Variants in ADIPOR2 observed in about 807,000 individuals in gnomAD.
ADIPOR2 encodes adiponectin receptor 2, also known as adiponectin receptor protein 2.
In ADIPOR2, 18 loss-of-function variants were observed where a neutral mutation model predicts 40.9. That is an observed-to-expected ratio of 0.44 (90% CI 0.30 to 0.65). The LOEUF (loss-of-function observed/expected upper bound fraction) is 0.65. Ranked by LOEUF, ADIPOR2 falls within the 30% of genes least tolerant of loss-of-function variation. ADIPOR2 has a pLI of 0.09. For missense variants in ADIPOR2, 283 were observed against 479.2 expected (o/e 0.59, Z 3.82); for synonymous variants, 165 against 166.4 (o/e 0.99, Z 0.06).
At chr12:1,713,902 C>G (rs1012889253) in intron 1 of ADIPOR2, among the ~76,000 whole-genome samples, 7 of 152,090 alleles carry the variant, frequency 4.6e-5, no homozygotes, top group Non-Finnish European at 8.8e-5. Context: ...ACTGATAAAG[C>G]TGTACCGGTG....
chr12:1,782,555 C>T (rs1862738725), intron 6 of ADIPOR2, among the ~76,000 whole-genome samples: 1 of 152,014 alleles, frequency 6.6e-6, no homozygotes, highest in Non-Finnish European at 1.5e-5. Flanking sequence ...GTCCTGAACA[C>T]GTGTATCTAT....
At chr12:1,752,188 C>G (rs370350751) in intron 1 of ADIPOR2, among the ~76,000 whole-genome samples, 1 of 148,416 alleles carries the variant, frequency 6.7e-6, no homozygotes, top group African/African-American at 2.5e-5. Flanking sequence ...CTCGGCCCCC[C>G]AAAGTGCTGG....
chr12:1,755,802 A>T (rs1333239070), intron 2 of ADIPOR2, among the ~76,000 whole-genome samples: 5 of 152,260 alleles, frequency 3.3e-5, no homozygotes, highest in Admixed American at 6.5e-5. Flanking sequence ...AATTAATTGT[A>T]TTATAAAGTG....
At chr12:1,764,045 G>A (rs1862324013) in intron 2 of ADIPOR2, among the ~76,000 whole-genome samples, 1 of 152,146 alleles carries the variant, frequency 6.6e-6, no homozygotes, top group Admixed American at 6.5e-5. Flanking sequence ...TTTAAGTAAA[G>A]AAATGAATGA....
chr12:1,767,291 AAAAGAT>A (rs1218310840), intron 2 of ADIPOR2, among the ~76,000 whole-genome samples: 11 of 148,544 alleles, frequency 7.4e-5, no homozygotes, highest in African/African-American at 2.8e-4. Flanking sequence ...AAAAAAAAAA[AAAAGAT>A]AGAATTGCTA....
chr12:1,718,386 A>T (rs1231102363), intron 1 of ADIPOR2, among the ~76,000 whole-genome samples: 1 of 152,114 alleles, frequency 6.6e-6, no homozygotes, highest in African/African-American at 2.4e-5. Context: ...ATCTATTTTC[A>T]ACTCCTTGTT....
chr12:1,706,586 G>T (rs2094663242), intron 1 of ADIPOR2, among the ~76,000 whole-genome samples: 4 of 152,052 alleles, frequency 2.6e-5, no homozygotes, highest in Admixed American at 2.6e-4. Flanking sequence ...GTTTTATTAG[G>T]ATTTAAAATC....
intron 2 of ADIPOR2, among the ~76,000 whole-genome samples, chr12:1,763,812 C>T (rs1862319165): frequency 6.6e-6 from 1 of 152,024 alleles, no homozygotes; most frequent in South Asian, 2.1e-4. Flanking sequence ...AACCTTATCT[C>T]TGCAAAGAAT....
intron 1 of ADIPOR2, among the ~76,000 whole-genome samples, chr12:1,752,559 C>T (rs2094771760): frequency 6.6e-6 from 1 of 152,128 alleles, no homozygotes; most frequent in South Asian, 2.1e-4. Flanking sequence ...TTTTGTTGCA[C>T]AGTGGAAAGC....
intron 1 of ADIPOR2, among the ~76,000 whole-genome samples, chr12:1,736,514 T>A (rs2094731088): frequency 6.6e-6 from 1 of 152,248 alleles, no homozygotes; most frequent in East Asian, 1.9e-4. Flanking sequence ...TCTTCTTTAT[T>A]AGTCTTGCTA....
intron 1 of ADIPOR2, among the ~76,000 whole-genome samples, chr12:1,692,189 A>C (rs893231088): frequency 2.0e-5 from 3 of 152,056 alleles, no homozygotes; most frequent in African/African-American, 7.2e-5. Flanking sequence ...AACTTTTCCA[A>C]ATGAAATGCT....
At chr12:1,782,842 C>T (rs1289943096) in intron 6 of ADIPOR2, among the ~76,000 whole-genome samples, 2 of 152,060 alleles carry the variant, frequency 1.3e-5, no homozygotes, top group African/African-American at 2.4e-5. Flanking sequence ...TTATAGTATT[C>T]TCTCCCATCC....
chr12:1,701,041 A>C (rs539099813), intron 1 of ADIPOR2, among the ~76,000 whole-genome samples: 4 of 152,230 alleles, frequency 2.6e-5, no homozygotes, highest in African/African-American at 9.6e-5. Context: ...TTGAGGAAAA[A>C]AAATCATGTA....
chr12:1,691,538 C>G (rs1045975717), intron 1 of ADIPOR2, among the ~76,000 whole-genome samples: 1 of 152,234 alleles, frequency 6.6e-6, no homozygotes, highest in Non-Finnish European at 1.5e-5. Context: ...TGCTCCAGCT[C>G]CCTGCCCGCG....
chr12:1,737,701 G>C (rs1414612729), intron 1 of ADIPOR2, among the ~76,000 whole-genome samples: 1 of 152,058 alleles, frequency 6.6e-6, no homozygotes, highest in Non-Finnish European at 1.5e-5. Context: ...TTGTGCCCCA[G>C]CCTCACGCTT....
intron 1 of ADIPOR2, among the ~76,000 whole-genome samples, chr12:1,705,991 G>C (rs540300360): frequency 6.6e-6 from 1 of 152,290 alleles, no homozygotes; most frequent in South Asian, 2.1e-4. Flanking sequence ...AGGATTGTTG[G>C]AGATGATAGG....
chr12:1,756,182 G>A (rs1209007509), intron 2 of ADIPOR2, among the ~76,000 whole-genome samples: 2 of 151,286 alleles, frequency 1.3e-5, no homozygotes, highest in Non-Finnish European at 2.9e-5. Context: ...ATAGAGTCTC[G>A]CTCTGTTGCC....
intron 1 of ADIPOR2, among the ~76,000 whole-genome samples, chr12:1,739,698 C>T (rs754019201): frequency 3.9e-5 from 6 of 152,138 alleles, no homozygotes; most frequent in African/African-American, 7.2e-5. Context: ...ATAATCTGGC[C>T]TTTTATTATA....
At chr12:1,714,296 A>G (rs777934278) in intron 1 of ADIPOR2, among the ~76,000 whole-genome samples, 3 of 151,910 alleles carry the variant, frequency 2.0e-5, no homozygotes, top group Admixed American at 6.6e-5. Flanking sequence ...TTTCCTTTTC[A>G]GCCTGTTCTT....
Sources: gnomAD v4.1 joint callset for allele counts (sites outside exome capture counted in the v4.1 genomes callset) on GRCh38, gnomAD v4.1.1 for gene constraint, MANE v1.5 for transcripts, NCBI Gene and HGNC (gene_info 2026-07-23, HGNC 2026-07-21) for gene names.